Variants in GOLM2 observed in about 807,000 individuals in gnomAD.
GOLM2 encodes the protein golgi membrane protein 2.
In GOLM2, 26 loss-of-function variants were observed where a neutral mutation model predicts 55.9. That is an observed-to-expected ratio of 0.47 (90% CI 0.34 to 0.65). GOLM2 has a LOEUF of 0.65. GOLM2 is among the 30% of genes least tolerant of loss of function. The pLI is 0.01. For missense variants in GOLM2, 486 were observed against 531.8 expected (o/e 0.91, Z 0.85); for synonymous variants, 165 against 194.6 (o/e 0.85, Z 1.27).
intron 2 of GOLM2, among the ~76,000 whole-genome samples, chr15:44,328,173 T>C (rs1257234056): frequency 6.6e-6 from 1 of 152,204 alleles, no homozygotes. Context: ...ACTGAAGCTA[T>C]ATTTTTTAAA....
intron 6 of GOLM2, among the ~76,000 whole-genome samples, chr15:44,358,933 G>C (rs2079216044): frequency 2.0e-5 from 3 of 152,188 alleles, no homozygotes; most frequent in East Asian, 1.9e-4. Context: ...GAGGCAGGCA[G>C]ATCACGAGGT....
At chr15:44,323,820 G>A (rs540329542) in intron 2 of GOLM2, among the ~76,000 whole-genome samples, 1 of 152,020 alleles carries the variant, frequency 6.6e-6, no homozygotes, top group African/African-American at 2.4e-5. Flanking sequence ...TATTTTTATT[G>A]TCCTCTCGAA....
At chr15:44,321,743 C>G (rs989399882) in intron 1 of GOLM2, among the ~76,000 whole-genome samples, 9 of 152,028 alleles carry the variant, frequency 5.9e-5, no homozygotes, top group African/African-American at 2.2e-4. Flanking sequence ...TCCTGTGAAT[C>G]TGTAATTAAT....
intron 1 of GOLM2, among the ~76,000 whole-genome samples, chr15:44,312,961 C>G (rs1363232167): frequency 6.6e-6 from 1 of 152,172 alleles, no homozygotes; most frequent in Non-Finnish European, 1.5e-5. Flanking sequence ...CTCCTGTAAT[C>G]CCAGCTACTT....
At chr15:44,325,208 T>C (rs1171811982) in intron 2 of GOLM2, among the ~76,000 whole-genome samples, 1 of 152,168 alleles carries the variant, frequency 6.6e-6, no homozygotes, top group African/African-American at 2.4e-5. Context: ...TTCTTACTTT[T>C]CCCCTTGCAA....
intron 6 of GOLM2, among the ~76,000 whole-genome samples, chr15:44,364,701 AAAAG>A (rs1351604282): frequency 6.6e-6 from 1 of 152,142 alleles, no homozygotes; most frequent in African/African-American, 2.4e-5. Flanking sequence ...TCTCAAAAAA[AAAAG>A]AAGAGAAAAG....
chr15:44,370,607 A>C (rs2079323364), intron 6 of GOLM2, among the ~76,000 whole-genome samples: 1 of 152,092 alleles, frequency 6.6e-6, no homozygotes, highest in Admixed American at 6.6e-5. Context: ...GTAGCAACTC[A>C]TCTGAATACC....
chr15:44,323,064 A>G (rs762375219), intron 2 of GOLM2, 45 bp downstream of exon 2: 1 of 1,279,370 alleles, frequency 7.8e-7, no homozygotes, highest in African/African-American at 1.5e-5. Context: ...AGGTCACTAA[A>G]TGCCTAAAAT....
intron 6 of GOLM2, among the ~76,000 whole-genome samples, chr15:44,361,508 T>G (rs1377825014): frequency 6.6e-6 from 1 of 152,086 alleles, no homozygotes; most frequent in Non-Finnish European, 1.5e-5. Context: ...AGAAGTTGAA[T>G]CTCTGAATAG....
chr15:44,401,005 A>G (rs953912190), intron 8 of GOLM2, among the ~76,000 whole-genome samples: 45 of 152,230 alleles, frequency 3.0e-4, no homozygotes, highest in Non-Finnish European at 5.6e-4. Context: ...AGAATTGACC[A>G]GTACCCCCAG....
At chr15:44,298,665 G>T (rs2078775191) in intron 1 of GOLM2, among the ~76,000 whole-genome samples, 1 of 152,078 alleles carries the variant, frequency 6.6e-6, no homozygotes. Flanking sequence ...CTTATTGTTT[G>T]TGAACTTCGT....
chr15:44,339,905 G>A (rs530083064), intron 6 of GOLM2, among the ~76,000 whole-genome samples: 5 of 151,926 alleles, frequency 3.3e-5, no homozygotes, highest in Non-Finnish European at 7.4e-5. Flanking sequence ...CTGCAGCCTC[G>A]ATCTCCCGGG....
chr15:44,333,477 T>C (rs934708344), intron 4 of GOLM2, among the ~76,000 whole-genome samples: 6 of 152,182 alleles, frequency 3.9e-5, no homozygotes, highest in African/African-American at 1.4e-4. Context: ...CAAAGTGGAA[T>C]ACCTGCTGCC....
At chr15:44,379,618 G>GTTTTT in intron 6 of GOLM2, 72 bp from the exon 7 acceptor site, 109 of 428,340 alleles carry the variant, frequency 2.5e-4, no homozygotes, top group South Asian at 8.4e-4. Context: ...ATTCACGGTG[G>GTTTTT]TTTTTTTTTT....
intron 6 of GOLM2, among the ~76,000 whole-genome samples, chr15:44,366,060 G>A (rs1236624812): frequency 6.6e-6 from 1 of 152,048 alleles, no homozygotes; most frequent in Non-Finnish European, 1.5e-5. Flanking sequence ...CACTTTGGGA[G>A]GCCGAGGTGG....
At chr15:44,398,040 G>A (rs1431324786) in intron 8 of GOLM2, among the ~76,000 whole-genome samples, 1 of 152,160 alleles carries the variant, frequency 6.6e-6, no homozygotes, top group Non-Finnish European at 1.5e-5. Flanking sequence ...ATAGATACTG[G>A]AGATACTGTA....
At chr15:44,311,830 A>G (rs564989017) in intron 1 of GOLM2, among the ~76,000 whole-genome samples, 3 of 151,992 alleles carry the variant, frequency 2.0e-5, no homozygotes, top group Non-Finnish European at 2.9e-5. Context: ...TTGTATTTTT[A>G]GTATAGATGG....
chr15:44,381,498 A>G (rs535405364), intron 8 of GOLM2, among the ~76,000 whole-genome samples: 6 of 152,318 alleles, frequency 3.9e-5, no homozygotes, highest in Admixed American at 3.3e-4. Flanking sequence ...TTGAGGCAGG[A>G]GAGTGTCCCT....
intron 1 of GOLM2, among the ~76,000 whole-genome samples, chr15:44,312,442 A>G (rs900251236): frequency 5.3e-5 from 8 of 152,028 alleles, no homozygotes; most frequent in African/African-American, 1.9e-4. Context: ...AACTTTAACT[A>G]CCAAATCTGT....
Sources: allele counts gnomAD v4.1 joint callset (sites outside exome capture counted in the v4.1 genomes callset), GRCh38; gene constraint gnomAD v4.1.1; transcripts MANE v1.5; gene names NCBI Gene and HGNC (gene_info 2026-07-23, HGNC 2026-07-21).